SH3RF3: variants seen among roughly 807,000 people sequenced by gnomAD.
The protein encoded by SH3RF3 is E3 ubiquitin-protein ligase SH3RF3.
Under a neutral mutation model 66.3 loss-of-function variants are expected in SH3RF3, and 29 were observed. The ratio of observed to expected loss-of-function variants is 0.44; its 90% confidence interval spans 0.33 to 0.60. The LOEUF is 0.60. Among genes scored for constraint, SH3RF3 ranks in the 20% least tolerant of loss-of-function variants. The probability of loss-of-function intolerance (pLI) is 0.04; values close to 1 mark genes in which losing one functional copy is unlikely to be tolerated. For missense variants in SH3RF3, 1,194 were observed against 1,190.9 expected (o/e 1.00, Z -0.04); for synonymous variants, 583 against 532.0 (o/e 1.10, Z -1.32).
intron 1 of SH3RF3, among the ~76,000 whole-genome samples, chr2:109,340,779 T>C (rs887207132): frequency 6.6e-6 from 1 of 152,214 alleles, no homozygotes; most frequent in African/African-American, 2.4e-5. Context: ...CTCTGCTTTA[T>C]GGGAAAACTA....
chr2:109,295,866 T>C (rs1681294542), intron 1 of SH3RF3, among the ~76,000 whole-genome samples: 4 of 152,134 alleles, frequency 2.6e-5, no homozygotes, highest in Non-Finnish European at 5.9e-5. Flanking sequence ...CTGGACTCTC[T>C]CTCAGGTGTA....
At chr2:109,212,108 G>A (rs1351943716) in intron 1 of SH3RF3, among the ~76,000 whole-genome samples, 1 of 152,230 alleles carries the variant, frequency 6.6e-6, no homozygotes, top group Non-Finnish European at 1.5e-5. Flanking sequence ...TGGTTGGTGC[G>A]GCTTGCCGGG....
chr2:109,405,492 C>T (rs952620070), intron 4 of SH3RF3, among the ~76,000 whole-genome samples: 1 of 152,124 alleles, frequency 6.6e-6, no homozygotes, highest in Admixed American at 6.5e-5. Flanking sequence ...CAGATCTTCT[C>T]CCTGCGCACC....
chr2:109,155,873 A>G (rs1677335538), intron 1 of SH3RF3, among the ~76,000 whole-genome samples: 1 of 152,200 alleles, frequency 6.6e-6, no homozygotes, highest in Non-Finnish European at 1.5e-5. Flanking sequence ...CTATTTTGGT[A>G]GCTGTCTTTC....
chr2:109,297,902 A>G (rs953634947), intron 1 of SH3RF3, among the ~76,000 whole-genome samples: 28 of 149,506 alleles, frequency 1.9e-4, no homozygotes, highest in African/African-American at 5.9e-4. Context: ...GCCCACAACC[A>G]TGTCAATGCT....
intron 8 of SH3RF3, among the ~76,000 whole-genome samples, chr2:109,469,717 A>T (rs1678451922): frequency 6.6e-6 from 1 of 152,222 alleles, no homozygotes; most frequent in Non-Finnish European, 1.5e-5. Context: ...GTCTGGCAGA[A>T]CGCTGAAAAG....
chr2:109,187,986 G>T (rs2378301), intron 1 of SH3RF3, among the ~76,000 whole-genome samples: 124,656 of 152,144 alleles, frequency 0.82, 51,202 homozygotes, highest in East Asian at 0.89. Context: ...AAGGAAGGGG[G>T]GCACAGCGGG....
intron 1 of SH3RF3, among the ~76,000 whole-genome samples, chr2:109,292,314 G>A (rs1311420206): frequency 6.6e-6 from 1 of 152,212 alleles, no homozygotes; most frequent in African/African-American, 2.4e-5. Flanking sequence ...CCTTGTTAGT[G>A]TATTGGGGTT....
At chr2:109,255,227 G>A (rs760279877) in intron 1 of SH3RF3, among the ~76,000 whole-genome samples, 15 of 152,252 alleles carry the variant, frequency 9.9e-5, no homozygotes, top group African/African-American at 1.9e-4. Context: ...TTGGGGCTTC[G>A]GAATAGTGCA....
chr2:109,456,158 C>G (rs560360415), intron 8 of SH3RF3, among the ~76,000 whole-genome samples: 1 of 152,308 alleles, frequency 6.6e-6, no homozygotes, highest in Admixed American at 6.5e-5. Flanking sequence ...CAGCCATGGG[C>G]CATGGAAACC....
chr2:109,312,028 C>CATT (rs1681739607), intron 1 of SH3RF3, among the ~76,000 whole-genome samples: 1 of 128,866 alleles, frequency 7.8e-6, no homozygotes, highest in African/African-American at 3.7e-5. Flanking sequence ...CTGACTTGAG[C>CATT]GTTGTGGCCG....
intron 8 of SH3RF3, among the ~76,000 whole-genome samples, chr2:109,468,547 A>C (rs192721456): frequency 1.2e-3 from 188 of 152,212 alleles, no homozygotes; most frequent in Non-Finnish European, 1.1e-3. Flanking sequence ...ACAAACGATG[A>C]CCAGTCAGGA....
chr2:109,387,681 T>C (rs1490877576), intron 3 of SH3RF3, among the ~76,000 whole-genome samples: 2 of 152,230 alleles, frequency 1.3e-5, no homozygotes, highest in Non-Finnish European at 1.5e-5. Flanking sequence ...TTTTCCTCCA[T>C]GTACTTCTCA....
At chr2:109,227,575 A>T (rs1265740497) in intron 1 of SH3RF3, among the ~76,000 whole-genome samples, 1 of 151,938 alleles carries the variant, frequency 6.6e-6, no homozygotes, top group Non-Finnish European at 1.5e-5. Context: ...TCTCTGGGAG[A>T]TCCCTGGCTC....
chr2:109,226,456 G>A (rs1042872379), intron 1 of SH3RF3, among the ~76,000 whole-genome samples: 27 of 152,190 alleles, frequency 1.8e-4, no homozygotes, highest in Admixed American at 1.1e-3. Context: ...AGTCCTCATC[G>A]TTAAGTAAGT....
intron 1 of SH3RF3, among the ~76,000 whole-genome samples, chr2:109,189,991 C>T (rs893981192): frequency 2.6e-5 from 4 of 152,172 alleles, no homozygotes; most frequent in East Asian, 3.8e-4. Context: ...CAGATCTGCT[C>T]GTGGTTTATC....
At chr2:109,265,765 AAG>A (rs1342975985) in intron 1 of SH3RF3, among the ~76,000 whole-genome samples, 2 of 152,368 alleles carry the variant, frequency 1.3e-5, no homozygotes, top group South Asian at 2.1e-4. Flanking sequence ...AATTTAAAAA[AAG>A]AGATTGGCAC....
chr2:109,501,589 G>A lies in SH3RF3; in HGVS notation c.2567G>A (p.Arg856His), dbSNP rs1164038816. ...GACATCGTCTTTGTGCACAAGAAGCGTGAGGACGGCTGGTACAAGGGGACC... is the reference window on the plus strand; with the variant it reads ...GACATCGTCTTTGTGCACAAGAAGCATGAGGACGGCTGGTACAAGGGGACC... ...EGDIVFVHKKREDGWYKGTLQ... is the reference protein window; with the variant it reads ...EGDIVFVHKKHEDGWYKGTLQ... Residue 856 changes from arginine (R) to histidine (H), a missense_variant, in exon 10 of 10, where the codon CGT becomes CAT. Coordinates refer to ENST00000309415, the MANE Select transcript of SH3RF3 (RefSeq NM_001099289.3). The A allele has an allele frequency of 6.4e-6, 5 of 779,562 alleles. No homozygotes were observed. Among genetic ancestry groups the A allele is most frequent in the African/African-American group, 5.1e-5 (3 of 59,102 alleles). 48.3% of individuals were successfully genotyped at this position (779,562 alleles called of 1,614,324 possible). A position where few individuals can be genotyped will look rare whatever the true frequency, so the allele number is the denominator to read the frequency against.
chr2:109,171,160 T>C (rs953038316), intron 1 of SH3RF3, among the ~76,000 whole-genome samples: 1 of 152,228 alleles, frequency 6.6e-6, no homozygotes, highest in African/African-American at 2.4e-5. Flanking sequence ...TTTTGTTTTA[T>C]ATATATGTAC....
Sources: gnomAD v4.1 joint callset for allele counts (sites outside exome capture counted in the v4.1 genomes callset) on GRCh38, gnomAD v4.1.1 for gene constraint, MANE v1.5 for transcripts, NCBI Gene and HGNC (gene_info 2026-07-23, HGNC 2026-07-21) for gene names.